Variants in ARL13B observed in about 807,000 individuals in gnomAD.
ARL13B encodes ADP-ribosylation factor-like protein 13B.
Under a neutral mutation model 56.1 loss-of-function variants are expected in ARL13B, and 36 were observed. The ratio of observed to expected loss-of-function variants is 0.64; its 90% CI spans 0.49 to 0.85. The LOEUF is 0.85. ARL13B is among the 40% of genes least tolerant of loss of function. The probability of loss-of-function intolerance (pLI) is 0.00; values close to 1 mark genes in which losing one functional copy is unlikely to be tolerated. For missense variants in ARL13B, 519 were observed against 507.1 expected, an observed-to-expected ratio of 1.02 and a Z score of -0.23; for synonymous variants, 178 against 171.1, an observed-to-expected ratio of 1.04 and a Z score of -0.32.
chr3:93,980,564 C>G, intron 1 of ARL13B, 82 bp downstream of exon 1: 2 of 1,557,504 alleles, frequency 1.3e-6, no homozygotes, highest in Non-Finnish European at 1.7e-6. Context: ...CTTTTCCCCG[C>G]GCCTGGACGA....
intron 2 of ARL13B, among the ~76,000 whole-genome samples, chr3:93,997,521 T>C (rs1437889086): frequency 6.6e-6 from 1 of 152,256 alleles, no homozygotes. Context: ...ATGTCTATGC[T>C]ATCTTCTACG....
chr3:94,033,684 G>A (rs1272735285), intron 3 of ARL13B, among the ~76,000 whole-genome samples: 3 of 152,092 alleles, frequency 2.0e-5, no homozygotes, highest in East Asian at 3.8e-4. Flanking sequence ...CTTTATTTTG[G>A]ATGGATCAGG....
At chr3:94,012,603 C>T (rs1434789553) in intron 3 of ARL13B, among the ~76,000 whole-genome samples, 1 of 152,188 alleles carries the variant, frequency 6.6e-6, no homozygotes, top group Non-Finnish European at 1.5e-5. Context: ...AATTTTGTTG[C>T]ACCTCAGTGT....
Position 94,053,462 on chromosome 3 carries a change from C to A in ARL13B, c.*199C>A. On this transcript the variant is annotated 3_prime_UTR_variant, in exon 10 of 10. Coordinates refer to ENST00000394222, the MANE Select transcript of ARL13B (RefSeq NM_001174150.2). The stretch of plus-strand genomic sequence containing the variant: ...CATGGTTAAAAAAATAAAAGAAGCA[C>A]AATGACCAGTACATGAAATCAGCAT... 1.5e-6 allele frequency: 1 copy of A among 683,186 alleles called. No homozygotes were observed. Among genetic ancestry groups the A allele is most frequent in the Non-Finnish European group, 2.7e-6 (1 of 376,950 alleles). 42.3% of individuals were successfully genotyped at this position (683,186 alleles called of 1,614,324 possible). A position where few individuals can be genotyped will look rare whatever the true frequency, so the allele number is the denominator to read the frequency against.
Position 94,053,226 on chromosome 3 carries a change from A to C in ARL13B, c.1250A>C (p.Gln417Pro), listed in dbSNP as rs754535814. Reference sequence around the variant, plus strand: ...CCACTGCCTCCCCTGGCTGTGCCACAGCGACCTAACAGTGATGCTCATGAT... The same window carrying C: ...CCACTGCCTCCCCTGGCTGTGCCACCGCGACCTAACAGTGATGCTCATGAT... ...RKPLPPLAVPQRPNSDAHDVI... is the reference protein window; with the variant it reads ...RKPLPPLAVPPRPNSDAHDVI... Residue 417 changes from glutamine to proline, a missense_variant, in exon 10 of 10, where the codon CAG becomes CCG. By Grantham distance (76) the Gln-to-Pro change is moderately conservative (BLOSUM62 -1). Coordinates refer to ENST00000394222, the MANE Select transcript of ARL13B (RefSeq NM_001174150.2). The C allele has an allele frequency of 9.3e-6, 15 of 1,613,340 alleles. No homozygotes were observed. In the Admixed American group the frequency reaches 2.5e-4, roughly 27 times the overall value.
At chr3:94,003,014 T>G (rs2076078367) in intron 2 of ARL13B, among the ~76,000 whole-genome samples, 1 of 152,174 alleles carries the variant, frequency 6.6e-6, no homozygotes, top group African/African-American at 2.4e-5. Context: ...TCCTTGGCAG[T>G]TCATATACCT....
At chr3:93,985,218 A>C (rs1199714407) in intron 1 of ARL13B, among the ~76,000 whole-genome samples, 2 of 152,216 alleles carry the variant, frequency 1.3e-5, no homozygotes, top group South Asian at 2.1e-4. Context: ...AGCAGCCTTC[A>C]TCCTGAGTAC....
chr3:93,993,912 C>T lies in ARL13B; in HGVS notation c.60-1962C>T, dbSNP rs1339883303. ...GTCTTTGTGGCATTCCCACTGGCTT[C>T]GCCACCAGCCAATTGAGAATGGGGC... On this transcript the variant is annotated intron_variant, in intron 1 of 9. Transcript: ENST00000394222. 3.3e-5 allele frequency among the ~76,000 whole-genome samples: 5 copies of T among 152,272 alleles called. No homozygotes were observed. The South Asian group carries it at 6.2e-4, about 19-fold the overall frequency.
At chr3:94,048,572 AT>A (rs1208628700) in intron 7 of ARL13B, among the ~76,000 whole-genome samples, 1 of 151,386 alleles carries the variant, frequency 6.6e-6, no homozygotes, top group Admixed American at 6.6e-5. Context: ...GAGTTATTTT[AT>A]TTGTTTATTT....
chr3:94,033,220 G>A (rs991999579), intron 3 of ARL13B, among the ~76,000 whole-genome samples: 3 of 152,168 alleles, frequency 2.0e-5, no homozygotes, highest in African/African-American at 7.2e-5. Context: ...GGACAGGTGG[G>A]AGGGTGGAAG....
chr3:94,003,846 G>T lies in ARL13B; in HGVS notation c.318G>T (p.Glu106Asp). ...CCAGTGATGAAGAGAGAATGGAAGA[G>T]ACAAAAGAGGCTATGTCAGAAATGC... ...VDSSDEERME[E>D]TKEAMSEMLR... Residue 106 changes from glutamate to aspartate, a missense_variant, in exon 3 of 10, where the codon GAG (glutamate) becomes GAT (aspartate). Coordinates refer to ENST00000394222, the MANE Select transcript of ARL13B (RefSeq NM_001174150.2). 3 of 1,613,712 alleles carry T rather than the reference G, an allele frequency of 1.9e-6. No individual in the cohort carries two copies. Among genetic ancestry groups the T allele is most frequent in the Non-Finnish European group, 2.5e-6 (3 of 1,179,722 alleles).
At chr3:94,007,012 T>G (rs1023774580) in intron 3 of ARL13B, among the ~76,000 whole-genome samples, 1 of 152,158 alleles carries the variant, frequency 6.6e-6, no homozygotes, top group Non-Finnish European at 1.5e-5. Context: ...GCTTCCTCCT[T>G]AGTGCCCACA....
At chr3:93,998,635 C>A (rs1008249870) in intron 2 of ARL13B, among the ~76,000 whole-genome samples, 3 of 152,168 alleles carry the variant, frequency 2.0e-5, no homozygotes, top group Non-Finnish European at 4.4e-5. Context: ...CGTATAGTCT[C>A]CTCTTTTATA....
At position 94,043,302 on chromosome 3, in the gene ARL13B, A is replaced by T; in HGVS notation, c.1024+62A>T. The T allele has an allele frequency of 2.2e-6, 3 of 1,389,926 alleles. No individual in the cohort carries two copies. In the South Asian group the frequency reaches 4.0e-5, roughly 19 times the overall value. 86.1% of individuals were successfully genotyped at this position (1,389,926 alleles called of 1,614,324 possible). A position where few individuals can be genotyped will look rare whatever the true frequency, so the allele number is the denominator to read the frequency against. On this transcript the variant is annotated intron_variant, in intron 7 of 9. Transcript: ENST00000394222. The stretch of plus-strand genomic sequence containing the variant: ...TATATATAAATAAAACTTATACTTC[A>T]TCTCATTTTTTATGTTTGTTTTTAC...
Position 94,053,849 on chromosome 3 carries a change from T to G in ARL13B, c.*586T>G. On this transcript the variant is annotated 3_prime_UTR_variant, in exon 10 of 10. Coordinates refer to ENST00000394222, the MANE Select transcript of ARL13B (RefSeq NM_001174150.2). ...CATGAACTATACAAACAGGATATAT[T>G]TATATGGCTTGAGGTATGTTTTGTA... is the stretch of plus-strand genomic sequence containing the variant. 3.3e-6 allele frequency: 1 copy of G among 302,438 alleles called. No homozygotes were observed. Among genetic ancestry groups the G allele is most frequent in the Non-Finnish European group, 6.4e-6 (1 of 155,484 alleles). 18.7% of individuals were successfully genotyped at this position (302,438 alleles called of 1,614,324 possible). A position where few individuals can be genotyped will look rare whatever the true frequency, so the allele number is the denominator to read the frequency against.
chr3:94,044,816 G>T (rs997624994), intron 7 of ARL13B, among the ~76,000 whole-genome samples: 1 of 150,036 alleles, frequency 6.7e-6, no homozygotes, highest in Non-Finnish European at 1.5e-5. Flanking sequence ...CGTCTGGGAA[G>T]TGGGGAGCGC....
At chr3:94,031,968 T>A (rs960090142) in intron 3 of ARL13B, among the ~76,000 whole-genome samples, 6 of 152,160 alleles carry the variant, frequency 3.9e-5, no homozygotes, top group African/African-American at 1.4e-4. Context: ...TGAAAAATAC[T>A]GGAAGAAAAC....
chr3:94,043,838 G>T (rs1438029728), intron 7 of ARL13B, among the ~76,000 whole-genome samples: 1 of 148,072 alleles, frequency 6.8e-6, no homozygotes, highest in African/African-American at 2.5e-5. Flanking sequence ...TTGTATTTTT[G>T]GTGGAGATGG....
chr3:93,996,681 C>A, intron 2 of ARL13B: 2 of 417,314 alleles, frequency 4.8e-6, no homozygotes, highest in Non-Finnish European at 9.7e-6. Flanking sequence ...CCCAGCCCGG[C>A]CAGGTAATCT....
Sources: gnomAD v4.1 joint callset for allele counts (sites outside exome capture counted in the v4.1 genomes callset) on GRCh38, gnomAD v4.1.1 for gene constraint, MANE v1.5 for transcripts, NCBI Gene and HGNC (gene_info 2026-07-23, HGNC 2026-07-21) for gene names.